The following MRS2 variants were observed in gnomAD, a reference collection of about 807,000 sequenced individuals.
The protein encoded by MRS2 is magnesium transporter MRS2 homolog, mitochondrial.
In MRS2, 40 loss-of-function variants were observed where a neutral mutation model predicts 52.6. The ratio of observed to expected loss-of-function variants is 0.76; its 90% CI spans 0.59 to 0.99. The LOEUF (loss-of-function observed/expected upper bound fraction) is 0.99. Ranked by LOEUF, MRS2 falls within the 50% of genes least tolerant of loss-of-function variation. The pLI is 0.00. For missense variants in MRS2, 472 were observed against 532.7 expected, an observed-to-expected ratio of 0.89 and a Z score of 1.12; for synonymous variants, 193 against 195.9, an observed-to-expected ratio of 0.98 and a Z score of 0.13.
chr6:24,413,415 A>T (rs1403879399), intron 5 of MRS2, among the ~76,000 whole-genome samples: 2 of 152,132 alleles, frequency 1.3e-5, no homozygotes, highest in African/African-American at 4.8e-5. Flanking sequence ...TAGAAGCAAG[A>T]CCAGCCACCT....
intron 1 of MRS2, among the ~76,000 whole-genome samples, chr6:24,404,314 T>C (rs765001191): frequency 6.6e-6 from 1 of 152,228 alleles, no homozygotes; most frequent in Non-Finnish European, 1.5e-5. Context: ...CATTAAAACA[T>C]TGAAAGGCAT....
At chr6:24,407,369 A>G (rs1486465107) in intron 2 of MRS2, among the ~76,000 whole-genome samples, 1 of 152,186 alleles carries the variant, frequency 6.6e-6, no homozygotes, top group Non-Finnish European at 1.5e-5. Flanking sequence ...AAGATAAAAT[A>G]TATATATTGT....
intron 5 of MRS2, 103 bp downstream of exon 5, chr6:24,412,498 C>A: frequency 1.2e-6 from 1 of 829,956 alleles, no homozygotes; most frequent in Non-Finnish European, 1.8e-6. Flanking sequence ...GTCCCCTGAC[C>A]ACATCCTGCC....
chr6:24,423,430 C>A (rs1762122565), intron 10 of MRS2, 154 bp from the exon 11 acceptor site: 2 of 486,914 alleles, frequency 4.1e-6, no homozygotes, highest in South Asian at 8.0e-5. Context: ...CCTCCATTTT[C>A]TTTGTACTTG....
chr6:24,424,162 G>A lies in MRS2; in HGVS notation c.*468G>A, dbSNP rs763012578. On this transcript the variant is annotated 3_prime_UTR_variant, in exon 11 of 11. Coordinates refer to ENST00000378386, the MANE Select transcript of MRS2 (RefSeq NM_020662.4). ...ATGTATTAACCTTACAACAGACTCT[G>A]TAAGTTTGAGCTTTAAAAACCAAAC... 1 of 151,298 alleles carries A rather than the reference G, an allele frequency of 6.6e-6. No individual in the cohort carries two copies. The highest frequency in any genetic ancestry group is 2.5e-5 in the African/African-American group (1 of 40,636). The allele number at this position is 151,298 out of a possible 1,614,324, so 9.4% of individuals were successfully genotyped here.
chr6:24,423,928 A>G lies in MRS2; in HGVS notation c.*234A>G. ...AAATTCTATTTCCTACAAACTTTAA[A>G]TGCTGTTTTTATAGATGTGATATGA... On this transcript the variant is annotated 3_prime_UTR_variant, in exon 11 of 11. Transcript: ENST00000378386. The G allele has an allele frequency of 3.7e-6, 1 of 267,296 alleles. No homozygotes were observed. Among genetic ancestry groups the G allele is most frequent in the East Asian group, 6.9e-5 (1 of 14,560 alleles). 16.6% of individuals were successfully genotyped at this position (267,296 alleles called of 1,614,324 possible). A position where few individuals can be genotyped will look rare whatever the true frequency, so the allele number is the denominator to read the frequency against.
Position 24,405,261 on chromosome 6 carries a change from T to C in MRS2, c.264+20T>C, listed in dbSNP as rs771716571. The C allele has an allele frequency of 7.0e-6, 11 of 1,577,522 alleles. No individual in the cohort carries two copies. The African/African-American group carries it at 1.5e-4, about 21-fold the overall frequency. The stretch of plus-strand genomic sequence containing the variant: ...ACTGTGGTGAGTATGTACAGTACAT[T>C]GGAAATCGTACAGAAAGTGCTTCCC... On this transcript the variant is annotated intron_variant, in intron 2 of 10. Transcript: ENST00000378386.
chr6:24,423,272 GCC>G, intron 10 of MRS2: 1 of 507,894 alleles, frequency 2.0e-6, no homozygotes, highest in Non-Finnish European at 3.5e-6. Context: ...CTAGCACACT[GCC>G]TAACACAATA....
At position 24,425,596 on chromosome 6, in the gene MRS2, T is replaced by G. The variant is rs1475739086; in HGVS notation, c.*1902T>G. ...CAGCTTATGCCAAAAATATATGAAG[T>G]TCCTTGGTTTTAAATTTTGAACTAA... On this transcript the variant is annotated 3_prime_UTR_variant, in exon 11 of 11. Coordinates refer to ENST00000378386, the MANE Select transcript of MRS2 (RefSeq NM_020662.4). The G allele has an allele frequency of 6.6e-6, 1 of 152,232 alleles. No homozygotes were observed. The highest frequency in any genetic ancestry group is 1.5e-5 in the Non-Finnish European group (1 of 68,050). 9.4% of individuals were successfully genotyped at this position (152,232 alleles called of 1,614,324 possible). A position where few individuals can be genotyped will look rare whatever the true frequency, so the allele number is the denominator to read the frequency against.
At chr6:24,409,976 C>T (rs1306350776) in intron 4 of MRS2, among the ~76,000 whole-genome samples, 1 of 152,010 alleles carries the variant, frequency 6.6e-6, no homozygotes, top group Non-Finnish European at 1.5e-5. Context: ...CAGGAATAGA[C>T]ATTAAATTTT....
At position 24,418,625 on chromosome 6, in the gene MRS2, A is replaced by T. The variant is rs202118441; in HGVS notation, c.1107+47A>T. 2.5e-3 allele frequency: 3,573 copies of T among 1,403,534 alleles called. 4 individuals carry two copies. Among genetic ancestry groups the T allele is most frequent in the Non-Finnish European group, 3.1e-3 (3,072 of 990,982 alleles). 86.9% of individuals were successfully genotyped at this position (1,403,534 alleles called of 1,614,324 possible). A position where few individuals can be genotyped will look rare whatever the true frequency, so the allele number is the denominator to read the frequency against. On this transcript the variant is annotated intron_variant, in intron 9 of 10. Transcript: ENST00000378386. ...TAAAACTTGGGGGTTTTGGCCGGGC[A>T]TGGTGGCTCATGTCAGTAATCCTAG...
intron 1 of MRS2, among the ~76,000 whole-genome samples, chr6:24,403,864 T>C (rs904604004): frequency 6.6e-6 from 1 of 152,204 alleles, no homozygotes; most frequent in Non-Finnish European, 1.5e-5. Context: ...GAAGTGAGGC[T>C]AAAGACTGAG....
intron 4 of MRS2, 75 bp from the exon 5 acceptor site, chr6:24,412,147 A>C: frequency 1.3e-6 from 1 of 746,016 alleles, no homozygotes; most frequent in Non-Finnish European, 2.0e-6. Flanking sequence ...GTATGTATAC[A>C]TATATATGTA....
chr6:24,420,746 G>A (rs141501950), intron 9 of MRS2, among the ~76,000 whole-genome samples: 257 of 152,286 alleles, frequency 1.7e-3, no homozygotes, highest in African/African-American at 5.9e-3. Flanking sequence ...ATCTGGGGGA[G>A]AGTGTTCTAA....
chr6:24,413,355 C>G (rs947881538), intron 5 of MRS2, among the ~76,000 whole-genome samples: 1 of 152,144 alleles, frequency 6.6e-6, no homozygotes, highest in Non-Finnish European at 1.5e-5. Flanking sequence ...ACACATTCTT[C>G]TTCCTTTAAA....
chr6:24,412,458 A>C, intron 5 of MRS2, 63 bp downstream of exon 5: 1 of 1,342,602 alleles, frequency 7.4e-7, no homozygotes, highest in Non-Finnish European at 1.0e-6. Flanking sequence ...TTGAGTGGGA[A>C]GACAAGTTGG....
At chr6:24,408,718 C>G (rs935269164) in intron 3 of MRS2, among the ~76,000 whole-genome samples, 5 of 152,168 alleles carry the variant, frequency 3.3e-5, no homozygotes, top group Non-Finnish European at 7.3e-5. Flanking sequence ...TGGTGTAGAA[C>G]TGGAGCCCAG....
chr6:24,417,876 A>C (rs1247216076), intron 7 of MRS2, among the ~76,000 whole-genome samples: 1 of 151,592 alleles, frequency 6.6e-6, no homozygotes, highest in African/African-American at 2.4e-5. Context: ...TGGGAGGCAG[A>C]GGTTGCAGTG....
Position 24,408,390 on chromosome 6 carries a change from TTTA to T in MRS2, c.265-15_265-13del. ...AATTTGAAAGAAAATCATAATTTGT[TTTA>T]TTCTCTATTTTCAGACAAAATTTGA... On this transcript the variant is annotated splice_polypyrimidine_tract_variant and intron_variant, in intron 2 of 10. Transcript: ENST00000378386. 6.6e-7 allele frequency: 1 copy of T among 1,504,648 alleles called. No individual in the cohort carries two copies. The highest frequency in any genetic ancestry group is 1.1e-5 in the South Asian group (1 of 87,958). 93.2% of individuals were successfully genotyped at this position (1,504,648 alleles called of 1,614,324 possible).
Sources: gnomAD v4.1 joint callset for allele counts (sites outside exome capture counted in the v4.1 genomes callset) on GRCh38, gnomAD v4.1.1 for gene constraint, MANE v1.5 for transcripts, NCBI Gene and HGNC (gene_info 2026-07-23, HGNC 2026-07-21) for gene names.